EYS: variants seen among roughly 807,000 people sequenced by gnomAD.
The protein encoded by EYS is protein eyes shut homolog.
EYS carries 250 observed loss-of-function variants against 282.1 expected under a neutral mutation model. The ratio of observed to expected loss-of-function variants is 0.89; its 90% CI spans 0.80 to 0.98. EYS has a LOEUF of 0.98. EYS is among the 50% of genes least tolerant of loss of function. The pLI is 0.00. For synonymous variants in EYS, 1,355 were observed against 1,282.9 expected (o/e 1.06, Z -1.20); for missense variants, 4,016 against 3,709.0 (o/e 1.08, Z -2.15).
chr6:65,024,231 G>T (rs1191992085), intron 13 of EYS, among the ~76,000 whole-genome samples: 1 of 152,052 alleles, frequency 6.6e-6, no homozygotes, highest in African/African-American at 2.4e-5. Flanking sequence ...CACGAAGGAG[G>T]CCCACAAGAT....
intron 29 of EYS, among the ~76,000 whole-genome samples, chr6:64,347,179 G>T (rs1207092684): frequency 6.6e-6 from 1 of 151,346 alleles, no homozygotes; most frequent in African/African-American, 2.4e-5. Context: ...TAGATCAAAT[G>T]ATATTTCAGA....
intron 2 of EYS, among the ~76,000 whole-genome samples, chr6:65,550,149 T>TCATGGCATCTCACAC (rs1768559023): frequency 0.014 from 197 of 14,350 alleles, 28 homozygotes; most frequent in Admixed American, 0.018. Context: ...ATATCTTTTT[T>TCATGGCATCTCACAC]TTTTTTTTTT....
chr6:64,137,579 G>A (rs924310933), intron 31 of EYS, among the ~76,000 whole-genome samples: 1 of 152,006 alleles, frequency 6.6e-6, no homozygotes, highest in African/African-American at 2.4e-5. Flanking sequence ...CCTAATATCA[G>A]TATCATTATC....
chr6:65,276,087 T>C (rs1768039807), intron 12 of EYS, among the ~76,000 whole-genome samples: 1 of 152,146 alleles, frequency 6.6e-6, no homozygotes, highest in Non-Finnish European at 1.5e-5. Flanking sequence ...TCTTACCATG[T>C]TTCCCACTAT....
At chr6:63,951,542 C>T (rs1327454935) in intron 35 of EYS, among the ~76,000 whole-genome samples, 1 of 152,126 alleles carries the variant, frequency 6.6e-6, no homozygotes, top group Non-Finnish European at 1.5e-5. Context: ...CATCTGACTT[C>T]TCCCCTCATC....
intron 8 of EYS, among the ~76,000 whole-genome samples, chr6:65,369,306 A>ATTT (rs1491495680): frequency 3.3e-5 from 2 of 59,874 alleles, no homozygotes; most frequent in Non-Finnish European, 1.1e-4. Flanking sequence ...ATTTATGTAT[A>ATTT]ATATATATAT....
chr6:65,002,057 A>ATATAT (rs3033930), intron 13 of EYS, among the ~76,000 whole-genome samples: 137,752 of 145,476 alleles, frequency 0.95, 66,237 homozygotes, highest in African/African-American at 0.99. Context: ...TAAAAGTCAA[A>ATATAT]TATAATACAT....
Position 65,261,809 on chromosome 6 carries a change from TTAAA to T in EYS, c.2023+34050_2023+34053del, listed in dbSNP as rs777678087. On this transcript the variant is annotated intron_variant, in intron 12 of 42. Coordinates refer to ENST00000503581, the MANE Select transcript of EYS (RefSeq NM_001142800.2). The stretch of plus-strand genomic sequence containing the variant: ...TTCAATAGTTAACTTTATTTGCTCA[TTAAA>T]TAGAGTTGTTTTACCAGCATACAAA... 2.4e-4 allele frequency among the ~76,000 whole-genome samples: 36 copies of T among 152,078 alleles called. 1 individual carries two copies. The highest frequency in any genetic ancestry group is 4.4e-4 in the Non-Finnish European group (30 of 67,946).
intron 35 of EYS, among the ~76,000 whole-genome samples, chr6:63,891,634 A>T (rs1293030884): frequency 6.6e-6 from 1 of 152,326 alleles, no homozygotes; most frequent in South Asian, 2.1e-4. Context: ...AATCATACTG[A>T]ATGGGCAAAA....
chr6:64,986,553 T>G (rs192224809), intron 14 of EYS, among the ~76,000 whole-genome samples: 1 of 151,094 alleles, frequency 6.6e-6, no homozygotes, highest in African/African-American at 2.4e-5. Flanking sequence ...TTCCCAGATA[T>G]CTACACAAAA....
chr6:64,939,189 ATTATCT>A (rs1438840696), intron 15 of EYS, among the ~76,000 whole-genome samples: 1 of 151,852 alleles, frequency 6.6e-6, no homozygotes, highest in East Asian at 1.9e-4. Context: ...ATATTAATAC[ATTATCT>A]TTATAATCAC....
At chr6:65,421,955 C>A (rs941643708) in intron 5 of EYS, among the ~76,000 whole-genome samples, 3 of 151,702 alleles carry the variant, frequency 2.0e-5, no homozygotes, top group Non-Finnish European at 4.4e-5. Flanking sequence ...GTAGATATAA[C>A]AATAAAAAAG....
intron 12 of EYS, among the ~76,000 whole-genome samples, chr6:65,067,489 T>G (rs1487007626): frequency 1.3e-5 from 2 of 152,122 alleles, no homozygotes; most frequent in Non-Finnish European, 2.9e-5. Context: ...ATAAGTGTGC[T>G]TTAGAATGTA....
At chr6:64,945,250 G>A (rs777451193) in intron 15 of EYS, among the ~76,000 whole-genome samples, 1 of 151,876 alleles carries the variant, frequency 6.6e-6, no homozygotes, top group African/African-American at 2.4e-5. Flanking sequence ...TAAAAGGTGG[G>A]CATAATACAT....
chr6:65,484,370 T>G (rs1300671405), intron 5 of EYS, among the ~76,000 whole-genome samples: 2 of 152,320 alleles, frequency 1.3e-5, no homozygotes, highest in Non-Finnish European at 1.5e-5. Flanking sequence ...ACTTGGTATT[T>G]TATATTCTGC....
At chr6:65,483,293 C>T (rs1765670244) in intron 5 of EYS, among the ~76,000 whole-genome samples, 1 of 152,046 alleles carries the variant, frequency 6.6e-6, no homozygotes, top group African/African-American at 2.4e-5. Context: ...ATATGATTGG[C>T]ATGCTCTACA....
At chr6:65,087,255 T>C (rs950181233) in intron 12 of EYS, among the ~76,000 whole-genome samples, 77 of 152,254 alleles carry the variant, frequency 5.1e-4, no homozygotes, top group South Asian at 2.5e-3. Flanking sequence ...ATTTCTCCCT[T>C]TTCATTATTG....
At chr6:64,788,549 GA>G (rs1774090004) in intron 22 of EYS, among the ~76,000 whole-genome samples, 1 of 152,142 alleles carries the variant, frequency 6.6e-6, no homozygotes, top group Non-Finnish European at 1.5e-5. Flanking sequence ...TGGTAGAGGG[GA>G]TAACAGTGCT....
intron 12 of EYS, among the ~76,000 whole-genome samples, chr6:65,202,328 C>G (rs180785780): frequency 8.0e-4 from 121 of 151,948 alleles, no homozygotes; most frequent in African/African-American, 2.7e-3. Context: ...AGAATGGGTA[C>G]AAAATAACTT....
Sources: allele counts gnomAD v4.1 joint callset (sites outside exome capture counted in the v4.1 genomes callset), GRCh38; gene constraint gnomAD v4.1.1; transcripts MANE v1.5; gene names NCBI Gene and HGNC (gene_info 2026-07-23, HGNC 2026-07-21).